Variants in MGMT observed in about 807,000 individuals in gnomAD.
The protein encoded by MGMT is O-6-methylguanine-DNA methyltransferase, also known as methylated-DNA--protein-cysteine methyltransferase.
MGMT carries 14 observed loss-of-function variants against 15.9 expected under a neutral mutation model. That is an observed-to-expected ratio of 0.88 (90% CI 0.58 to 1.37). The LOEUF (loss-of-function observed/expected upper bound fraction) is 1.37. Ranked by LOEUF, MGMT falls within the 40% of genes most tolerant of loss-of-function variation. The pLI is 0.00. For missense variants in MGMT, 282 were observed against 268.1 expected (o/e 1.05, Z -0.36); for synonymous variants, 130 against 118.2 (o/e 1.10, Z -0.65).
At chr10:129,488,004 T>TACACACAC (rs373298935) in intron 1 of MGMT, among the ~76,000 whole-genome samples, 2,146 of 121,454 alleles carry the variant, frequency 0.018, 20 homozygotes, top group Admixed American at 0.037. Context: ...CACATAGGTA[T>TACACACAC]ACACACACAC....
Position 129,532,943 on chromosome 10 carries a change from G to A in MGMT, c.-12-3298G>A, listed in dbSNP as rs941109841. ...TGTGGGCAAACCCTTCCTCTCCCAGGCCGTCCCTTCCTGCAGCTGCTCGGA... is the reference window on the plus strand; with the variant it reads ...TGTGGGCAAACCCTTCCTCTCCCAGACCGTCCCTTCCTGCAGCTGCTCGGA... On this transcript the variant is annotated intron_variant, in intron 1 of 4. Transcript: ENST00000651593. This position sits in a 1 kb window ranked among gnomAD's most constrained non-coding sequence, Gnocchi z 5.3. 2.0e-5 allele frequency among the ~76,000 whole-genome samples: 3 copies of A among 152,220 alleles called. No homozygotes were observed. Among genetic ancestry groups the A allele is most frequent in the Non-Finnish European group, 4.4e-5 (3 of 68,042 alleles).
chr10:129,559,494 C>T (rs961448838), intron 2 of MGMT, among the ~76,000 whole-genome samples: 1 of 151,944 alleles, frequency 6.6e-6, no homozygotes, highest in African/African-American at 2.4e-5. Context: ...TGTTCTAGCT[C>T]CATTTTCCCA....
At chr10:129,739,634 C>A (rs1848607540) in intron 3 of MGMT, among the ~76,000 whole-genome samples, 2 of 152,008 alleles carry the variant, frequency 1.3e-5, no homozygotes, top group Admixed American at 6.6e-5. Flanking sequence ...CTCCCCTACA[C>A]CACAGTCAGA....
At chr10:129,577,642 C>G (rs1318470081) in intron 2 of MGMT, among the ~76,000 whole-genome samples, 1 of 152,060 alleles carries the variant, frequency 6.6e-6, no homozygotes, top group Non-Finnish European at 1.5e-5. Context: ...ACTTCATAAC[C>G]AAAACACCAA....
chr10:129,597,191 C>T (rs1287496420), intron 2 of MGMT, among the ~76,000 whole-genome samples: 1 of 152,158 alleles, frequency 6.6e-6, no homozygotes, highest in Non-Finnish European at 1.5e-5. Flanking sequence ...GTATCTAGTA[C>T]ATCTGAGCTC....
At chr10:129,661,677 T>G (rs1343415992) in intron 2 of MGMT, among the ~76,000 whole-genome samples, 1 of 152,232 alleles carries the variant, frequency 6.6e-6, no homozygotes, top group Admixed American at 6.5e-5. Flanking sequence ...TAGTGGTGTC[T>G]TTTAGTCACG....
intron 2 of MGMT, among the ~76,000 whole-genome samples, chr10:129,657,746 C>T (rs1847547815): frequency 1.3e-5 from 2 of 151,542 alleles, no homozygotes; most frequent in Admixed American, 1.3e-4. Flanking sequence ...CCCCCAAGGA[C>T]CCACAAGGAC....
chr10:129,575,014 C>T (rs1025037314), intron 2 of MGMT, among the ~76,000 whole-genome samples: 1 of 152,088 alleles, frequency 6.6e-6, no homozygotes, highest in African/African-American at 2.4e-5. Context: ...GTGTGATCTC[C>T]ACACAGCATC....
intron 2 of MGMT, among the ~76,000 whole-genome samples, chr10:129,603,744 G>A (rs918695896): frequency 3.9e-5 from 6 of 152,132 alleles, no homozygotes; most frequent in Non-Finnish European, 7.4e-5. Context: ...GCAGCTTGTC[G>A]GGCACAAAAA....
intron 1 of MGMT, among the ~76,000 whole-genome samples, chr10:129,488,212 A>C (rs1845433011): frequency 6.6e-6 from 1 of 152,134 alleles, no homozygotes; most frequent in African/African-American, 2.4e-5. Context: ...ATTAGACCCC[A>C]GTCAGTTAAT....
intron 2 of MGMT, among the ~76,000 whole-genome samples, chr10:129,582,000 G>C (rs540966357): frequency 1.1e-4 from 17 of 152,332 alleles, no homozygotes; most frequent in African/African-American, 4.1e-4. Context: ...GGCTGTCCAG[G>C]GTGTGCGAGC....
intron 3 of MGMT, among the ~76,000 whole-genome samples, chr10:129,754,844 G>A (rs1848787445): frequency 6.6e-6 from 1 of 152,214 alleles, no homozygotes; most frequent in African/African-American, 2.4e-5. Context: ...TCTTAACACT[G>A]TCACAGTGGC....
intron 3 of MGMT, among the ~76,000 whole-genome samples, chr10:129,742,680 A>G (rs1181052457): frequency 6.7e-6 from 1 of 148,156 alleles, no homozygotes; most frequent in Non-Finnish European, 1.5e-5. Flanking sequence ...GCAGCGGCCC[A>G]TGCTCAGAGC....
intron 2 of MGMT, among the ~76,000 whole-genome samples, chr10:129,696,129 T>A (rs1481860164): frequency 6.6e-6 from 1 of 152,132 alleles, no homozygotes; most frequent in East Asian, 1.9e-4. Context: ...AATGACCCCC[T>A]GGCTCCTCCC....
intron 3 of MGMT, among the ~76,000 whole-genome samples, chr10:129,725,456 G>A (rs1848421687): frequency 6.6e-6 from 1 of 152,256 alleles, no homozygotes; most frequent in Non-Finnish European, 1.5e-5. Flanking sequence ...TCCACAGCCT[G>A]CTGCTGTCAT....
At chr10:129,481,765 G>A (rs1054547821) in intron 1 of MGMT, among the ~76,000 whole-genome samples, 2 of 152,130 alleles carry the variant, frequency 1.3e-5, no homozygotes, top group African/African-American at 4.8e-5. Flanking sequence ...TTTAATGTCT[G>A]TGGGATTTTG....
At chr10:129,599,812 A>C (rs909553692) in intron 2 of MGMT, among the ~76,000 whole-genome samples, 1 of 152,156 alleles carries the variant, frequency 6.6e-6, no homozygotes, top group African/African-American at 2.4e-5. Flanking sequence ...GACCATTCCC[A>C]TTTTACCATC....
chr10:129,563,689 A>G (rs1389482868), intron 2 of MGMT: 1 of 152,158 alleles, frequency 6.6e-6, no homozygotes, highest in Non-Finnish European at 1.5e-5. Context: ...TCCGTCGTTC[A>G]TGGGTTGCTA....
In MGMT at chr10:129,523,009, A is replaced by G. The variant is rs574256860; in HGVS notation, c.-12-13232A>G. ...ATGAGGTTATTTTCTGCCATGACAT[A>G]TTTAAGCTGAAGCTTCCCAAGCCAT... On this transcript the variant is annotated intron_variant, in intron 1 of 4. Transcript: ENST00000651593. Among the ~76,000 whole-genome samples the G allele has an allele frequency of 4.6e-5, 7 of 152,374 alleles. No homozygotes were observed. In the East Asian group the frequency reaches 9.6e-4, roughly 21 times the overall value.
Sources: gnomAD v4.1 joint callset for allele counts (sites outside exome capture counted in the v4.1 genomes callset) on GRCh38, gnomAD v4.1.1 for gene constraint, Gnocchi (gnomAD v3.1) non-coding constraint, MANE v1.5 for transcripts, NCBI Gene and HGNC (gene_info 2026-07-23, HGNC 2026-07-21) for gene names.